The following SCN7A variants were observed in gnomAD, a reference collection of about 807,000 sequenced individuals.
SCN7A encodes the protein sodium channel protein type 7 subunit alpha.
SCN7A carries 138 observed loss-of-function variants against 155.2 expected under a neutral mutation model. That is an observed-to-expected ratio of 0.89 (90% confidence interval 0.77 to 1.02). SCN7A has a LOEUF of 1.02. SCN7A is among the 50% of genes least tolerant of loss of function. SCN7A has a pLI of 0.00. For missense variants in SCN7A, 2,058 were observed against 1,986.6 expected (o/e 1.04, Z -0.68); for synonymous variants, 693 against 649.0 (o/e 1.07, Z -1.03).
chr2:166,467,116 A>C (rs1702551419), intron 7 of SCN7A, among the ~76,000 whole-genome samples: 1 of 151,900 alleles, frequency 6.6e-6, no homozygotes, highest in Non-Finnish European at 1.5e-5. Flanking sequence ...TATATAATAG[A>C]ACTTCTGTGT....
At chr2:166,464,216 A>G (rs563398618) in intron 9 of SCN7A, among the ~76,000 whole-genome samples, 4 of 151,702 alleles carry the variant, frequency 2.6e-5, no homozygotes, top group Admixed American at 1.3e-4. Context: ...ATATACACAC[A>G]TACATACATA....
chr2:166,444,444 T>A (rs111521548), intron 13 of SCN7A, among the ~76,000 whole-genome samples: 75 of 152,226 alleles, frequency 4.9e-4, no homozygotes, highest in African/African-American at 1.8e-3. Context: ...GAGCTAATGG[T>A]ACCAAGAGAC....
intron 15 of SCN7A, among the ~76,000 whole-genome samples, chr2:166,434,798 T>C (rs1249137106): frequency 6.6e-6 from 1 of 152,180 alleles, no homozygotes; most frequent in Non-Finnish European, 1.5e-5. Flanking sequence ...AGGCTGTTAG[T>C]GTGTTTCATG....
chr2:166,465,381 C>T, intron 9 of SCN7A, 81 bp downstream of exon 9: 4 of 956,388 alleles, frequency 4.2e-6, no homozygotes, highest in Non-Finnish European at 6.4e-6. Flanking sequence ...AAATGGGAAG[C>T]AACAGTAAAA....
chr2:166,414,059 A>T lies in SCN7A; in HGVS notation c.3415-938T>A, dbSNP rs192092539. On this transcript the variant is annotated intron_variant, in intron 21 of 25. Transcript: ENST00000643258. The stretch of plus-strand genomic sequence containing the variant: ...ATATATTTATATATGTAAATATATA[A>T]AAATATATTATATATGTAAATATAT... Among the ~76,000 whole-genome samples, 397 of 79,332 alleles carry T rather than the reference A, an allele frequency of 5.0e-3. 9 individuals carry two copies. Among genetic ancestry groups the T allele is most frequent in the South Asian group, 0.026 (74 of 2,898 alleles). 52.0% of individuals were successfully genotyped at this position (79,332 alleles called of 152,430 possible). A position where few individuals can be genotyped will look rare whatever the true frequency, so the allele number is the denominator to read the frequency against.
chr2:166,464,929 T>A (rs946939651), intron 9 of SCN7A, among the ~76,000 whole-genome samples: 7 of 152,234 alleles, frequency 4.6e-5, no homozygotes, highest in Non-Finnish European at 7.3e-5. Flanking sequence ...ATTGCTTTTT[T>A]AATAAAATTG....
chr2:166,482,032 T>C lies in SCN7A; in HGVS notation c.-14-4322A>G, dbSNP rs533171270. 2.0e-4 allele frequency among the ~76,000 whole-genome samples: 30 copies of C among 152,276 alleles called. 1 individual carries two copies. Among genetic ancestry groups the C allele is most frequent in the Middle Eastern group, 6.8e-3 (2 of 294 alleles). On this transcript the variant is annotated intron_variant, in intron 2 of 25. Coordinates refer to ENST00000643258, the MANE Select transcript of SCN7A (RefSeq NM_002976.4). Reference sequence around the variant, plus strand: ...ACATACTCCTTTACAGGCAGTGGGATGATCCGAATATTGGTTGTTAATTTC... The same window carrying C: ...ACATACTCCTTTACAGGCAGTGGGACGATCCGAATATTGGTTGTTAATTTC...
At chr2:166,451,591 T>C (rs916807028) in intron 11 of SCN7A, among the ~76,000 whole-genome samples, 1 of 152,200 alleles carries the variant, frequency 6.6e-6, no homozygotes, top group African/African-American at 2.4e-5. Flanking sequence ...TCTGACAAGT[T>C]TGTCATGGAC....
intron 2 of SCN7A, among the ~76,000 whole-genome samples, chr2:166,480,926 T>C (rs1702912067): frequency 6.6e-6 from 1 of 152,210 alleles, no homozygotes; most frequent in South Asian, 2.1e-4. Context: ...GTAAAATATA[T>C]GTATTTGAAC....
chr2:166,447,889 A>G (rs1278523342), intron 11 of SCN7A, among the ~76,000 whole-genome samples, 181 bp from the exon 12 acceptor site: 2 of 152,190 alleles, frequency 1.3e-5, no homozygotes, highest in Non-Finnish European at 2.9e-5. Flanking sequence ...ATACATGCAT[A>G]CAATGTATAA....
intron 21 of SCN7A, among the ~76,000 whole-genome samples, chr2:166,414,293 C>CATAT (rs1262942036): frequency 0.028 from 1,175 of 42,084 alleles, 63 homozygotes; most frequent in Middle Eastern, 0.12. Context: ...TATACACACA[C>CATAT]ATATATATAT....
chr2:166,414,894 ATAT>A (rs71935547), intron 21 of SCN7A, among the ~76,000 whole-genome samples: 3,375 of 33,238 alleles, frequency 0.1, 259 homozygotes, highest in African/African-American at 0.16. Context: ...TATATAATAT[ATAT>A]TATTATATAG....
At chr2:166,470,973 A>G (rs535164313) in intron 6 of SCN7A, among the ~76,000 whole-genome samples, 1 of 152,014 alleles carries the variant, frequency 6.6e-6, no homozygotes, top group African/African-American at 2.4e-5. Context: ...CAAATATTCT[A>G]TACTATGTTC....
intron 11 of SCN7A, among the ~76,000 whole-genome samples, chr2:166,451,802 A>T (rs1433155496): frequency 1.3e-5 from 2 of 152,144 alleles, no homozygotes; most frequent in Middle Eastern, 3.2e-3. Flanking sequence ...CACTTGCCCC[A>T]GTTTCCTTTA....
chr2:166,416,628 C>T, intron 21 of SCN7A, 79 bp downstream of exon 21: 3 of 1,220,318 alleles, frequency 2.5e-6, no homozygotes, highest in South Asian at 1.6e-5. Flanking sequence ...GTATTAATCG[C>T]CCACATTTTG....
At chr2:166,476,867 C>T (rs1702809818) in intron 3 of SCN7A, among the ~76,000 whole-genome samples, 1 of 152,042 alleles carries the variant, frequency 6.6e-6, no homozygotes. Context: ...TCAAATTCTG[C>T]ATCCTTAATG....
At chr2:166,432,168 A>G (rs1261433041) in intron 16 of SCN7A, 150 bp downstream of exon 16, 2 of 617,398 alleles carry the variant, frequency 3.2e-6, no homozygotes, top group East Asian at 5.5e-5. Flanking sequence ...GATCAAAAGC[A>G]TAAAGTCAGA....
At chr2:166,455,058 T>C (rs1047792107) in intron 11 of SCN7A, among the ~76,000 whole-genome samples, 2 of 152,202 alleles carry the variant, frequency 1.3e-5, no homozygotes, top group Non-Finnish European at 2.9e-5. Context: ...CTATGATACA[T>C]AGTGCATTTC....
At chr2:166,420,744 T>C (rs1208000980) in intron 20 of SCN7A, among the ~76,000 whole-genome samples, 5 of 152,026 alleles carry the variant, frequency 3.3e-5, no homozygotes, top group Admixed American at 2.0e-4. Context: ...GATTGTGACA[T>C]TAAAAAAGTA....
Sources: allele counts gnomAD v4.1 joint callset (sites outside exome capture counted in the v4.1 genomes callset), GRCh38; gene constraint gnomAD v4.1.1; transcripts MANE v1.5; gene names NCBI Gene and HGNC (gene_info 2026-07-23, HGNC 2026-07-21).